The following DNAH6 variants were observed in gnomAD, a reference collection of about 807,000 sequenced individuals.
The protein encoded by DNAH6 is axonemal beta dynein heavy chain 6.
In DNAH6, 340 loss-of-function variants were observed where a neutral mutation model predicts 491.4. The ratio of observed to expected loss-of-function variants is 0.69; its 90% CI spans 0.63 to 0.76. DNAH6 has a LOEUF of 0.76. Ranked by LOEUF, DNAH6 falls within the 30% of genes least tolerant of loss-of-function variation. DNAH6 has a pLI of 0.00. For synonymous variants in DNAH6, 1,603 were observed against 1,686.1 expected, an observed-to-expected ratio of 0.95 and a Z score of 1.21; for missense variants, 4,443 against 4,972.2, an observed-to-expected ratio of 0.89 and a Z score of 3.20.
chr2:84,512,075 T>G (rs538600436), upstream of DNAH6, among the ~76,000 whole-genome samples: 7 of 152,320 alleles, frequency 4.6e-5, no homozygotes, highest in Middle Eastern at 3.4e-3. Context: ...TCTGTTTTTT[T>G]GGGGGGTGGG....
At chr2:84,511,353 G>A in the DNAH6 span, among the ~76,000 whole-genome samples, 1 of 143,878 alleles carries the variant, frequency 7.0e-6, no homozygotes, top group Non-Finnish European at 1.5e-5. Flanking sequence ...AGGCTCCATG[G>A]GCATAGGACT....
At chr2:84,666,749 T>C (rs1306560474) in intron 37 of DNAH6, among the ~76,000 whole-genome samples, 4 of 152,184 alleles carry the variant, frequency 2.6e-5, no homozygotes, top group Non-Finnish European at 5.9e-5. Flanking sequence ...AAGAAACTAC[T>C]TTAAAGTTCA....
chr2:84,797,406 A>G (rs1304985462), intron 69 of DNAH6, 131 bp from the exon 70 acceptor site: 9 of 825,432 alleles, frequency 1.1e-5, no homozygotes, highest in Non-Finnish European at 1.1e-5. Flanking sequence ...AAGCTTAGGA[A>G]AAACAATCCC....
intron 3 of DNAH6, among the ~76,000 whole-genome samples, chr2:84,528,120 C>T (rs776196235): frequency 6.6e-6 from 1 of 152,078 alleles, no homozygotes; most frequent in Non-Finnish European, 1.5e-5. Context: ...AGAGCACAGA[C>T]AGTGAAGCCC....
chr2:84,555,625 CT>C (rs1023086275), intron 10 of DNAH6, among the ~76,000 whole-genome samples: 3 of 152,158 alleles, frequency 2.0e-5, no homozygotes, highest in African/African-American at 4.8e-5. Context: ...AGATCCAATA[CT>C]TTTCTTTTAA....
At chr2:84,488,036 C>T in the DNAH6 span, among the ~76,000 whole-genome samples, 1 of 152,050 alleles carries the variant, frequency 6.6e-6, no homozygotes, top group East Asian at 1.9e-4. Flanking sequence ...TACTTTTGTA[C>T]TCAGTTTGAG....
intron 11 of DNAH6, among the ~76,000 whole-genome samples, chr2:84,568,220 C>T (rs183428269): frequency 1.8e-3 from 277 of 152,122 alleles, no homozygotes; most frequent in African/African-American, 6.4e-3. Flanking sequence ...ATCTCATTAC[C>T]GGGTATATAC....
At chr2:84,642,337 CAA>C (rs1463643915) in intron 33 of DNAH6, among the ~76,000 whole-genome samples, 3 of 151,972 alleles carry the variant, frequency 2.0e-5, no homozygotes, top group Non-Finnish European at 2.9e-5. Flanking sequence ...GTTTCTGACT[CAA>C]AAAAAGTCAG....
chr2:84,699,229 C>T (rs1033222217), intron 47 of DNAH6, among the ~76,000 whole-genome samples: 28 of 152,120 alleles, frequency 1.8e-4, no homozygotes, highest in Middle Eastern at 3.2e-3. Flanking sequence ...GCAACTTCTG[C>T]CAGGCTCTGC....
intron 29 of DNAH6, among the ~76,000 whole-genome samples, chr2:84,634,112 G>A (rs892582546): frequency 6.6e-6 from 1 of 152,182 alleles, no homozygotes; most frequent in African/African-American, 2.4e-5. Flanking sequence ...TGTCTGCCAT[G>A]TAGAATACCT....
intron 70 of DNAH6, among the ~76,000 whole-genome samples, chr2:84,800,239 A>G (rs1172414223): frequency 1.3e-5 from 2 of 152,212 alleles, no homozygotes. Flanking sequence ...GAAAAAAAAG[A>G]ATAAAATGTC....
chr2:84,595,796 T>G lies in DNAH6; in HGVS notation c.2868+7T>G, dbSNP rs199657504. On this transcript the variant is annotated splice_region_variant and intron_variant, in intron 18 of 76. Transcript: ENST00000389394. ...GGAAAAAATGAAAGAAAAGGTAAGG[T>G]TGGTAGAAGTTATTTCAAAAACTGT... The G allele has an allele frequency of 6.2e-5, 95 of 1,536,634 alleles. 2 individuals carry two copies. The Middle Eastern group carries it at 7.9e-3, about 128-fold the overall frequency.
At chr2:84,809,340 C>T (rs1163110148) in intron 72 of DNAH6, among the ~76,000 whole-genome samples, 1 of 152,194 alleles carries the variant, frequency 6.6e-6, no homozygotes, top group Non-Finnish European at 1.5e-5. Flanking sequence ...AGATCTTTTA[C>T]AGCTAAAGAC....
intron 70 of DNAH6, among the ~76,000 whole-genome samples, chr2:84,802,455 CAA>C (rs2105307164): frequency 6.6e-6 from 1 of 152,120 alleles, no homozygotes; most frequent in East Asian, 1.9e-4. Flanking sequence ...TAAAAAAGGA[CAA>C]AGAGGGCATG....
chr2:84,665,305 C>T (rs1322724763), intron 37 of DNAH6, among the ~76,000 whole-genome samples: 3 of 151,992 alleles, frequency 2.0e-5, no homozygotes, highest in African/African-American at 4.8e-5. Context: ...ATCAATGAAT[C>T]CAGGAGCTGG....
chr2:84,551,678 A>G (rs527686652), intron 9 of DNAH6, among the ~76,000 whole-genome samples: 172 of 152,312 alleles, frequency 1.1e-3, no homozygotes, highest in African/African-American at 3.3e-3. Flanking sequence ...AAATATGCAC[A>G]TTTTTAAGGC....
chr2:84,793,025 A>G (rs1677925417), intron 68 of DNAH6, among the ~76,000 whole-genome samples: 1 of 152,212 alleles, frequency 6.6e-6, no homozygotes, highest in South Asian at 2.1e-4. Context: ...AGACAAAGTC[A>G]GACCTCAGGC....
intron 23 of DNAH6, among the ~76,000 whole-genome samples, chr2:84,618,081 A>G (rs1219886948): frequency 1.3e-5 from 2 of 152,116 alleles, no homozygotes; most frequent in African/African-American, 2.4e-5. Context: ...ACATCTAGTT[A>G]TATTACTTGG....
the DNAH6 span, among the ~76,000 whole-genome samples, chr2:84,511,367 C>G: frequency 6.6e-6 from 1 of 152,248 alleles, no homozygotes; most frequent in Non-Finnish European, 1.5e-5. Flanking sequence ...TAGGACTCTC[C>G]AAGCCATGCG....
Sources: allele counts gnomAD v4.1 joint callset (sites outside exome capture counted in the v4.1 genomes callset), GRCh38; gene constraint gnomAD v4.1.1; transcripts MANE v1.5; gene names NCBI Gene and HGNC (gene_info 2026-07-23, HGNC 2026-07-21).